PHLDB2: variants seen among roughly 807,000 people sequenced by gnomAD.
PHLDB2 encodes pleckstrin homology-like domain family B member 2.
PHLDB2 carries 71 observed loss-of-function variants against 123.6 expected under a neutral mutation model. That is an observed-to-expected ratio of 0.57 (90% CI 0.47 to 0.70). PHLDB2 has a LOEUF of 0.70. Among genes scored for constraint, PHLDB2 ranks in the 30% least tolerant of loss-of-function variants. The probability of loss-of-function intolerance (pLI) is 0.00; values close to 1 mark genes in which losing one functional copy is unlikely to be tolerated. For synonymous variants in PHLDB2, 547 were observed against 541.6 expected (o/e 1.01, Z -0.14); for missense variants, 1,446 against 1,519.5 (o/e 0.95, Z 0.80).
chr3:111,969,643 A>G, intron 15 of PHLDB2, 47 bp from the exon 16 acceptor site: 28 of 1,518,570 alleles, frequency 1.8e-5, no homozygotes, highest in Non-Finnish European at 2.5e-5. Flanking sequence ...GACCTAAAAC[A>G]AAACAAATAA....
At chr3:111,800,967 T>G (rs1440444091) in intron 1 of PHLDB2, among the ~76,000 whole-genome samples, 2 of 152,184 alleles carry the variant, frequency 1.3e-5, no homozygotes, top group East Asian at 3.8e-4. Context: ...TAGATCATTT[T>G]GCAAGACTTA....
intron 2 of PHLDB2, among the ~76,000 whole-genome samples, chr3:111,899,405 A>G (rs935309543): frequency 5.3e-5 from 8 of 152,032 alleles, no homozygotes; most frequent in African/African-American, 1.9e-4. Flanking sequence ...GCATTTAGCT[A>G]TTTTTCCTGA....
chr3:111,827,406 T>A (rs1396624068), intron 1 of PHLDB2, among the ~76,000 whole-genome samples: 1 of 152,180 alleles, frequency 6.6e-6, no homozygotes, highest in Non-Finnish European at 1.5e-5. Flanking sequence ...CCGGGCGCGG[T>A]AGCTCACGCC....
chr3:111,796,516 C>T (rs931207787), intron 1 of PHLDB2, among the ~76,000 whole-genome samples: 4 of 152,092 alleles, frequency 2.6e-5, no homozygotes, highest in Admixed American at 2.6e-4. Context: ...CACAGAATAG[C>T]CAGTAGGAGA....
intron 1 of PHLDB2, among the ~76,000 whole-genome samples, chr3:111,761,830 T>G (rs6791845): frequency 6.6e-6 from 1 of 152,182 alleles, no homozygotes; most frequent in African/African-American, 2.4e-5. Flanking sequence ...AGGCCATGAC[T>G]GGTTTATTTA....
Position 111,974,696 on chromosome 3 carries a change from A to G in PHLDB2, c.*133A>G. On this transcript the variant is annotated 3_prime_UTR_variant, in exon 18 of 18. Transcript: ENST00000431670. Reference sequence around the variant, plus strand: ...TGTAAACACTCAGAACTCCTTTCATATCAAGACAAGTTATTTGTAAAAAAT... The same window carrying G: ...TGTAAACACTCAGAACTCCTTTCATGTCAAGACAAGTTATTTGTAAAAAAT... The G allele has an allele frequency of 1.1e-6, 1 of 888,336 alleles. No homozygotes were observed. The highest frequency in any genetic ancestry group is 1.7e-5 in the African/African-American group (1 of 58,360). The allele number at this position is 888,336 out of a possible 1,614,324, so 55.0% of individuals were successfully genotyped here.
chr3:111,780,399 A>AGAGGAAGAAGAAGAAGAAG lies in PHLDB2; in HGVS notation c.-49+47698_-49+47699insGGAAGAAGAAGAAGAAGGA, dbSNP rs2060407024. Among the ~76,000 whole-genome samples, 442 of 74,450 alleles carry AGAGGAAGAAGAAGAAGAAG rather than the reference A, an allele frequency of 5.9e-3. 113 individuals carry two copies. Among genetic ancestry groups the AGAGGAAGAAGAAGAAGAAG allele is most frequent in the Non-Finnish European group, 9.8e-3 (337 of 34,316 alleles). The allele number at this position is 74,450 out of a possible 152,430, so 48.8% of individuals were successfully genotyped here. ...AAGAAGAAGAAGAAGAAGAAGAAGA[A>AGAGGAAGAAGAAGAAGAAG]GAAGAAGAAGAAAAAGATTAGTTCG... On this transcript the variant is annotated intron_variant, in intron 1 of 17. Coordinates refer to the PHLDB2 transcript ENST00000393923.
In PHLDB2 at chr3:111,913,423, C is replaced by G; in HGVS notation, c.1440C>G (p.Asn480Lys). The change falls in exon 3 of 18, where the codon AAC becomes AAG. Residue 480 changes from asparagine (N) to lysine (K), a missense_variant. Coordinates refer to ENST00000431670, the MANE Select transcript of PHLDB2 (RefSeq NM_001134438.2). ...GTTVEDVQKI[N>K]KELEKLQLSD... is the part of the protein sequence containing the mutation. ...CCGTGGAAGATGTGCAGAAAATCAA[C>G]AAGGAGCTTGAGAAGCTGCAGCTCT... 6.2e-7 allele frequency: 1 copy of G among 1,614,146 alleles called. No homozygotes were observed.
intron 1 of PHLDB2, among the ~76,000 whole-genome samples, chr3:111,805,796 T>C (rs545422584): frequency 3.5e-5 from 5 of 142,350 alleles, no homozygotes; most frequent in Non-Finnish European, 7.5e-5. Flanking sequence ...AATTTTGGGA[T>C]GATGGAAATG....
At chr3:111,902,477 A>C (rs1281323198) in intron 2 of PHLDB2, among the ~76,000 whole-genome samples, 1 of 152,198 alleles carries the variant, frequency 6.6e-6, no homozygotes. Context: ...GAAAATAAAA[A>C]TAAATAAACA....
chr3:111,822,740 C>T (rs1001135403), intron 1 of PHLDB2, among the ~76,000 whole-genome samples: 3 of 152,190 alleles, frequency 2.0e-5, no homozygotes, highest in South Asian at 2.1e-4. Flanking sequence ...AATCTTACCT[C>T]CTTGGTCCAA....
intron 5 of PHLDB2, among the ~76,000 whole-genome samples, chr3:111,928,899 T>A (rs2068954434): frequency 6.6e-6 from 1 of 152,208 alleles, no homozygotes; most frequent in Non-Finnish European, 1.5e-5. Flanking sequence ...CATCTGGATT[T>A]TCCTGGAGTG....
At chr3:111,927,317 A>G (rs987021205) in intron 5 of PHLDB2, among the ~76,000 whole-genome samples, 3 of 152,158 alleles carry the variant, frequency 2.0e-5, no homozygotes, top group African/African-American at 7.2e-5. Context: ...ACTTGAGCTC[A>G]GGAGTTCAAG....
At chr3:111,903,421 A>C (rs2067314402) in intron 2 of PHLDB2, among the ~76,000 whole-genome samples, 1 of 152,182 alleles carries the variant, frequency 6.6e-6, no homozygotes, top group South Asian at 2.1e-4. Context: ...AACTGGGCAG[A>C]GCTCTGTTGC....
At chr3:111,971,792 G>A (rs1577233771) in intron 16 of PHLDB2, among the ~76,000 whole-genome samples, 1 of 152,176 alleles carries the variant, frequency 6.6e-6, no homozygotes, top group African/African-American at 2.4e-5. Flanking sequence ...TGAAGGAGCT[G>A]CAAATGTGAA....
Position 111,839,940 on chromosome 3 carries a change from C to CTTTTTTTTTTTT in PHLDB2, c.-48-5868_-48-5857dup, listed in dbSNP as rs3082317. On this transcript the variant is annotated intron_variant, in intron 1 of 17. Transcript: ENST00000393923. ...TTTGTTTAAAAGCCCCCCACCCCCG[C>CTTTTTTTTTTTT]TTTTTTTTTTTTTTTTTTTTTTTTG... 5.5e-4 allele frequency among the ~76,000 whole-genome samples: 36 copies of CTTTTTTTTTTTT among 64,946 alleles called. 2 individuals are homozygous for CTTTTTTTTTTTT. Among genetic ancestry groups the CTTTTTTTTTTTT allele is most frequent in the Non-Finnish European group, 5.6e-4 (22 of 39,012 alleles). 42.6% of individuals were successfully genotyped at this position (64,946 alleles called of 152,430 possible). A position where few individuals can be genotyped will look rare whatever the true frequency, so the allele number is the denominator to read the frequency against.
intron 2 of PHLDB2, among the ~76,000 whole-genome samples, chr3:111,852,975 C>G (rs527450698): frequency 6.6e-6 from 1 of 152,248 alleles, no homozygotes. Flanking sequence ...AATCATTAAA[C>G]TTGAGGAGAC....
At chr3:111,845,596 T>C (rs997664714) in intron 1 of PHLDB2, among the ~76,000 whole-genome samples, 5 of 152,108 alleles carry the variant, frequency 3.3e-5, no homozygotes, top group Non-Finnish European at 7.4e-5. Context: ...AAGTGTGCTT[T>C]TGTTGTCAGT....
chr3:111,797,809 G>A (rs897528483), intron 1 of PHLDB2, among the ~76,000 whole-genome samples: 1 of 152,174 alleles, frequency 6.6e-6, no homozygotes, highest in Non-Finnish European at 1.5e-5. Context: ...GTGATTTGCC[G>A]AAAGCTACGC....
Sources: allele counts gnomAD v4.1 joint callset (sites outside exome capture counted in the v4.1 genomes callset), GRCh38; gene constraint gnomAD v4.1.1; transcripts MANE v1.5; gene names NCBI Gene and HGNC (gene_info 2026-07-23, HGNC 2026-07-21).